SMYD3: variants seen among roughly 807,000 people sequenced by gnomAD.
The protein encoded by SMYD3 is histone-lysine N-methyltransferase SMYD3.
Under a neutral mutation model 57.7 loss-of-function variants are expected in SMYD3, and 36 were observed. That is an observed-to-expected ratio of 0.62 (90% confidence interval 0.48 to 0.82). The LOEUF is 0.82. Among genes scored for constraint, SMYD3 ranks in the 40% least tolerant of loss-of-function variants. SMYD3 has a pLI of 0.00. For missense variants in SMYD3, 515 were observed against 538.8 expected (o/e 0.96, Z 0.44); for synonymous variants, 211 against 195.0 (o/e 1.08, Z -0.68).
At chr1:246,240,418 T>C (rs958633798) in intron 5 of SMYD3, among the ~76,000 whole-genome samples, 2 of 152,228 alleles carry the variant, frequency 1.3e-5, no homozygotes, top group African/African-American at 4.8e-5. Context: ...TGGTATTCTT[T>C]CTGAGGGCTC....
At chr1:246,416,554 TAAAAA>T (rs35559952) in intron 1 of SMYD3, among the ~76,000 whole-genome samples, 1 of 139,272 alleles carries the variant, frequency 7.2e-6, no homozygotes, top group Non-Finnish European at 1.5e-5. Context: ...CTGGGAAAAG[TAAAAA>T]AAAAAAAAAA....
intron 8 of SMYD3, among the ~76,000 whole-genome samples, chr1:245,896,313 C>T (rs1326304384): frequency 6.7e-5 from 10 of 150,082 alleles, no homozygotes; most frequent in East Asian, 2.0e-4. Flanking sequence ...AACCTGGAAG[C>T]GTTCCCTTCT....
chr1:245,958,951 A>C (rs1435186098), intron 5 of SMYD3, among the ~76,000 whole-genome samples: 1 of 152,180 alleles, frequency 6.6e-6, no homozygotes, highest in Non-Finnish European at 1.5e-5. Flanking sequence ...TCCGTCTCCC[A>C]GGCTGGAGTT....
intron 5 of SMYD3, among the ~76,000 whole-genome samples, chr1:246,114,933 A>G (rs1214458478): frequency 1.3e-5 from 2 of 152,164 alleles, no homozygotes; most frequent in Non-Finnish European, 2.9e-5. Context: ...CCCGGCCTAA[A>G]CTTGGTTTTA....
chr1:245,990,349 A>T (rs1324250794), intron 5 of SMYD3, among the ~76,000 whole-genome samples: 1 of 152,204 alleles, frequency 6.6e-6, no homozygotes, highest in Non-Finnish European at 1.5e-5. Context: ...TGGGCATCCC[A>T]AAGTGCTGGG....
intron 10 of SMYD3, among the ~76,000 whole-genome samples, chr1:245,802,342 G>A (rs1421140312): frequency 2.6e-5 from 4 of 152,086 alleles, no homozygotes; most frequent in Non-Finnish European, 5.9e-5. Context: ...ACTAGTCCTA[G>A]GGCCAGAGAG....
intron 2 of SMYD3, among the ~76,000 whole-genome samples, chr1:246,339,260 C>T (rs2065593350): frequency 6.6e-6 from 1 of 152,168 alleles, no homozygotes; most frequent in African/African-American, 2.4e-5. Context: ...CTCACAGTGA[C>T]TCTATGTATA....
At chr1:246,072,720 G>A (rs2060479340) in intron 5 of SMYD3, among the ~76,000 whole-genome samples, 1 of 151,800 alleles carries the variant, frequency 6.6e-6, no homozygotes, top group African/African-American at 2.4e-5. Context: ...TGCCTAAAAT[G>A]TTGGCGGGCA....
intron 1 of SMYD3, among the ~76,000 whole-genome samples, chr1:246,401,519 G>C (rs535392707): frequency 2.6e-5 from 4 of 152,096 alleles, no homozygotes; most frequent in African/African-American, 9.6e-5. Context: ...TTTTAGTAGA[G>C]ATAGGGTTTC....
intron 5 of SMYD3, among the ~76,000 whole-genome samples, chr1:246,130,411 C>T (rs974441844): frequency 2.0e-5 from 3 of 152,152 alleles, no homozygotes; most frequent in Non-Finnish European, 4.4e-5. Context: ...CTCAGATTGA[C>T]TGTCTCTCAC....
intron 5 of SMYD3, among the ~76,000 whole-genome samples, chr1:245,972,407 A>C (rs965646247): frequency 5.3e-4 from 80 of 152,366 alleles, no homozygotes; most frequent in African/African-American, 1.8e-3. Context: ...CAGATATAAC[A>C]GAATTAGAAT....
At chr1:245,967,452 G>A (rs1356290525) in intron 5 of SMYD3, among the ~76,000 whole-genome samples, 1 of 152,198 alleles carries the variant, frequency 6.6e-6, no homozygotes, top group Non-Finnish European at 1.5e-5. Context: ...ACTGCTGAGT[G>A]ATTGTGAACA....
chr1:245,813,283 G>C (rs908229817), intron 10 of SMYD3, among the ~76,000 whole-genome samples: 1 of 152,038 alleles, frequency 6.6e-6, no homozygotes, highest in Non-Finnish European at 1.5e-5. Flanking sequence ...AAAGTGCTGG[G>C]ATTACAGGCA....
intron 1 of SMYD3, among the ~76,000 whole-genome samples, chr1:246,416,595 T>C (rs1045747013): frequency 1.3e-5 from 2 of 148,726 alleles, no homozygotes; most frequent in Non-Finnish European, 3.0e-5. Flanking sequence ...TCATATAAAA[T>C]GAAAGTAAAG....
intron 10 of SMYD3, among the ~76,000 whole-genome samples, chr1:245,821,788 A>G (rs2049174761): frequency 6.6e-6 from 1 of 152,172 alleles, no homozygotes; most frequent in South Asian, 2.1e-4. Flanking sequence ...CAAAAGACAC[A>G]TGAAAACATG....
chr1:246,145,299 G>A (rs1235397163), intron 5 of SMYD3, among the ~76,000 whole-genome samples: 1 of 152,124 alleles, frequency 6.6e-6, no homozygotes, highest in East Asian at 1.9e-4. Flanking sequence ...AAGGCTGTCA[G>A]GAATATTAGT....
In SMYD3 at chr1:246,186,818, G is replaced by C. The variant is rs913569225; in HGVS notation, c.531+140383C>G. 20 of 985,330 alleles carry C rather than the reference G, an allele frequency of 2.0e-5. No individual in the cohort carries two copies. In the African/African-American group the frequency reaches 3.1e-4, roughly 16 times the overall value. The allele number at this position is 985,330 out of a possible 1,614,324, so 61.0% of individuals were successfully genotyped here. On this transcript the variant is annotated intron_variant, in intron 5 of 11. Transcript: ENST00000490107. The stretch of plus-strand genomic sequence containing the variant: ...CGTGGGAAAGGCTGTATCACATTCC[G>C]GTCTTCTGCTTCCCAGTCTCACACT...
At chr1:245,771,836 A>G (rs909302530) in intron 10 of SMYD3, among the ~76,000 whole-genome samples, 4 of 151,706 alleles carry the variant, frequency 2.6e-5, no homozygotes, top group African/African-American at 9.7e-5. Flanking sequence ...GCTGGGAGGG[A>G]AAAAAAAGGT....
At chr1:245,782,775 A>G (rs184269649) in intron 10 of SMYD3, among the ~76,000 whole-genome samples, 166 of 152,330 alleles carry the variant, frequency 1.1e-3, no homozygotes, top group Non-Finnish European at 1.4e-3. Context: ...TCAACTTAAA[A>G]CACTTTAAAA....
Sources: gnomAD v4.1 joint callset for allele counts (sites outside exome capture counted in the v4.1 genomes callset) on GRCh38, gnomAD v4.1.1 for gene constraint, MANE v1.5 for transcripts, NCBI Gene and HGNC (gene_info 2026-07-23, HGNC 2026-07-21) for gene names.